Variants in SYT17 observed in about 807,000 individuals in gnomAD.
The protein encoded by SYT17 is synaptotagmin 17.
SYT17 carries 22 observed loss-of-function variants against 46.7 expected under a neutral mutation model. The ratio of observed to expected loss-of-function variants is 0.47; its 90% CI spans 0.34 to 0.67. The LOEUF is 0.67. SYT17 is among the 30% of genes least tolerant of loss of function. The probability of loss-of-function intolerance (pLI) is 0.01; values close to 1 mark genes in which losing one functional copy is unlikely to be tolerated. For missense variants in SYT17, 519 were observed against 612.8 expected (o/e 0.85, Z 1.62); for synonymous variants, 251 against 248.4 (o/e 1.01, Z -0.10).
At chr16:19,187,811 T>A (rs898125284) in intron 5 of SYT17, among the ~76,000 whole-genome samples, 3 of 152,208 alleles carry the variant, frequency 2.0e-5, no homozygotes, top group Non-Finnish European at 4.4e-5. Flanking sequence ...TCAGAATGGC[T>A]ACTATTAAAA....
At position 19,267,150 on chromosome 16, in the gene SYT17, T is replaced by C; in HGVS notation, c.*74T>C. 1 of 1,340,972 alleles carries C rather than the reference T, an allele frequency of 7.5e-7. No homozygotes were observed. The highest frequency in any genetic ancestry group is 1.0e-6 in the Non-Finnish European group (1 of 1,004,770). 83.1% of individuals were successfully genotyped at this position (1,340,972 alleles called of 1,614,324 possible). On this transcript the variant is annotated 3_prime_UTR_variant, in exon 8 of 8. Coordinates refer to ENST00000355377, the MANE Select transcript of SYT17 (RefSeq NM_016524.4). Reference sequence around the variant, plus strand: ...ACGGAAAAAAATGTGTCACATACTATTACATCCACACCTGCATACACACTC... The same window carrying C: ...ACGGAAAAAAATGTGTCACATACTACTACATCCACACCTGCATACACACTC...
intron 5 of SYT17, among the ~76,000 whole-genome samples, chr16:19,192,795 TGG>T (rs1189109096): frequency 2.0e-5 from 3 of 152,022 alleles, no homozygotes; most frequent in Non-Finnish European, 4.4e-5. Context: ...CGGGGTCGGT[TGG>T]GGGTGGTCAA....
chr16:19,248,099 A>G (rs938832306), intron 7 of SYT17, among the ~76,000 whole-genome samples: 1 of 152,256 alleles, frequency 6.6e-6, no homozygotes, highest in African/African-American at 2.4e-5. Context: ...GAATACATAG[A>G]TAGCAAAGAA....
At chr16:19,266,385 A>G (rs1969356725) in intron 7 of SYT17, among the ~76,000 whole-genome samples, 2 of 152,230 alleles carry the variant, frequency 1.3e-5, no homozygotes, top group African/African-American at 4.8e-5. Context: ...TAAACTTCCT[A>G]CAGTCCACAG....
At chr16:19,182,646 C>G (rs1185046803) in intron 4 of SYT17, among the ~76,000 whole-genome samples, 1 of 152,164 alleles carries the variant, frequency 6.6e-6, no homozygotes. Flanking sequence ...TGGCAAATGT[C>G]TCATAAAGAC....
chr16:19,257,235 C>T (rs906996739), intron 7 of SYT17, among the ~76,000 whole-genome samples: 1 of 151,760 alleles, frequency 6.6e-6, no homozygotes, highest in African/African-American at 2.4e-5. Context: ...ACGAAGTGAG[C>T]CAGAAAAGCT....
chr16:19,256,691 G>T (rs544638827), intron 7 of SYT17, among the ~76,000 whole-genome samples: 1 of 151,778 alleles, frequency 6.6e-6, no homozygotes, highest in African/African-American at 2.4e-5. Flanking sequence ...CAGTCCTCCC[G>T]CCTCAGCCTC....
At chr16:19,180,677 G>A in intron 4 of SYT17, 138 bp downstream of exon 4, 1 of 991,326 alleles carries the variant, frequency 1.0e-6, no homozygotes, top group Non-Finnish European at 1.5e-6. Context: ...CAGGGCGAGA[G>A]AGAGATAATG....
chr16:19,225,385 G>T (rs1966465302), intron 7 of SYT17, among the ~76,000 whole-genome samples: 1 of 152,104 alleles, frequency 6.6e-6, no homozygotes, highest in African/African-American at 2.4e-5. Context: ...GACACTGTCT[G>T]GTAGAATTTA....
chr16:19,246,979 G>A (rs8062402), intron 7 of SYT17, among the ~76,000 whole-genome samples: 4,958 of 152,250 alleles, frequency 0.033, 286 homozygotes, highest in African/African-American at 0.11. Flanking sequence ...AAAGGGGGTC[G>A]TGATGCATGG....
intron 5 of SYT17, among the ~76,000 whole-genome samples, chr16:19,221,673 G>A (rs531436554): frequency 4.1e-4 from 63 of 152,228 alleles, no homozygotes; most frequent in Non-Finnish European, 7.2e-4. Context: ...TTCTAGAGCC[G>A]CTGGGTATTG....
At chr16:19,203,129 C>T (rs1305155987) in intron 5 of SYT17, among the ~76,000 whole-genome samples, 2 of 152,100 alleles carry the variant, frequency 1.3e-5, no homozygotes, top group Non-Finnish European at 1.5e-5. Flanking sequence ...CCTTTACTGT[C>T]ATATATTATG....
Position 19,183,945 on chromosome 16 carries a change from A to G in SYT17, c.749A>G (p.Lys250Arg), listed in dbSNP as rs148658814. 1.5e-5 allele frequency: 25 copies of G among 1,614,080 alleles called. No homozygotes were observed. The highest frequency in any genetic ancestry group is 2.7e-5 in the African/African-American group (2 of 74,926). Residue 250 changes from lysine to arginine, a missense_variant, in exon 5 of 8, where the codon AAG becomes AGG. By Grantham distance (26) the Lys-to-Arg change is conservative (BLOSUM62 2). Coordinates refer to ENST00000355377, the MANE Select transcript of SYT17 (RefSeq NM_016524.4). The surrounding 1 kb of genome is among the most constrained non-coding windows in gnomAD (Gnocchi z 5.6). Reference protein sequence around the residue: ...KNSKQTGVKRKTQKPVFEERY... With the variant: ...KNSKQTGVKRRTQKPVFEERY... ...TCAAAGCAGACCGGGGTCAAACGCA[A>G]GACCCAGAAGCCCGTGTTTGAGGAG... is the stretch of plus-strand genomic sequence containing the variant.
chr16:19,170,864 C>G (rs934227300), intron 1 of SYT17: 5 of 152,090 alleles, frequency 3.3e-5, no homozygotes, highest in African/African-American at 1.2e-4. Context: ...GGGACAATAC[C>G]CAGTGCCTAC....
At chr16:19,222,736 C>T (rs949125430) in intron 5 of SYT17, among the ~76,000 whole-genome samples, 1 of 152,180 alleles carries the variant, frequency 6.6e-6, no homozygotes, top group African/African-American at 2.4e-5. Flanking sequence ...ACCTCACAGA[C>T]TCATTAGTCA....
rs764254860 is a variant in SYT17 at position 19,227,054 on chromosome 16, G to A, written c.1228+2216G>A. 2.6e-4 allele frequency among the ~76,000 whole-genome samples: 40 copies of A among 152,232 alleles called. No individual in the cohort carries two copies. In the Middle Eastern group the frequency reaches 0.014, roughly 52 times the overall value. On this transcript the variant is annotated intron_variant, in intron 7 of 7. Transcript: ENST00000355377. Reference sequence around the variant, plus strand: ...TTTGGTGACCCTGGGCAAGATCTGCGTGCTTAGGTTTTCTCAGCTGTAAAA... The same window carrying A: ...TTTGGTGACCCTGGGCAAGATCTGCATGCTTAGGTTTTCTCAGCTGTAAAA...
At chr16:19,237,657 G>A (rs985702789) in intron 7 of SYT17, among the ~76,000 whole-genome samples, 1 of 152,204 alleles carries the variant, frequency 6.6e-6, no homozygotes, top group African/African-American at 2.4e-5. Flanking sequence ...CACTGCCTAT[G>A]GGGTAGCACT....
At chr16:19,249,928 C>T in intron 7 of SYT17, 1 of 1,535,110 alleles carries the variant, frequency 6.5e-7, no homozygotes, top group Middle Eastern at 1.7e-4. Flanking sequence ...ACCAAGTCCT[C>T]TTTTTGCTCT....
chr16:19,228,209 C>T (rs1287864327), intron 7 of SYT17, among the ~76,000 whole-genome samples: 2 of 152,154 alleles, frequency 1.3e-5, no homozygotes, highest in Non-Finnish European at 2.9e-5. Flanking sequence ...AGGGTAGCCA[C>T]ACCACACCCC....
Sources: gnomAD v4.1 joint callset for allele counts (sites outside exome capture counted in the v4.1 genomes callset) on GRCh38, gnomAD v4.1.1 for gene constraint, Gnocchi (gnomAD v3.1) non-coding constraint, MANE v1.5 for transcripts, NCBI Gene and HGNC (gene_info 2026-07-23, HGNC 2026-07-21) for gene names.